The following MED13L variants were observed in gnomAD, a reference collection of about 807,000 sequenced individuals.
MED13L encodes mediator of RNA polymerase II transcription subunit 13-like.
In MED13L, 7 loss-of-function variants were observed where a neutral mutation model predicts 220.9. The ratio of observed to expected loss-of-function variants is 0.03; its 90% CI spans 0.02 to 0.06. The LOEUF (loss-of-function observed/expected upper bound fraction) is 0.06, where lower values mean the gene tolerates loss of function less well. Among genes scored for constraint, MED13L ranks in the 10% least tolerant of loss-of-function variants. The pLI is 1.00. For missense variants in MED13L, 1,965 were observed against 2,760.5 expected (o/e 0.71, Z 6.46); for synonymous variants, 1,011 against 1,015.2 (o/e 1.00, Z 0.08).
At chr12:116,076,209 C>A (rs1870786946) in intron 4 of MED13L, among the ~76,000 whole-genome samples, 1 of 152,142 alleles carries the variant, frequency 6.6e-6, no homozygotes, top group Non-Finnish European at 1.5e-5. Context: ...GTGCTAAAAT[C>A]CTTGGCAGGG....
intron 25 of MED13L, among the ~76,000 whole-genome samples, chr12:115,973,855 A>G (rs1173188122): frequency 1.3e-5 from 2 of 152,224 alleles, no homozygotes; most frequent in African/African-American, 4.8e-5. Flanking sequence ...AATGCCAAAG[A>G]AAACATTTAC....
intron 2 of MED13L, among the ~76,000 whole-genome samples, chr12:116,140,800 T>G (rs1008861450): frequency 4.6e-5 from 7 of 152,182 alleles, no homozygotes; most frequent in Non-Finnish European, 1.0e-4. Flanking sequence ...ACTGAATTTA[T>G]CTTAGGGAGG....
At chr12:116,059,219 C>G (rs1314460779) in intron 4 of MED13L, among the ~76,000 whole-genome samples, 1 of 152,090 alleles carries the variant, frequency 6.6e-6, no homozygotes, top group Admixed American at 6.5e-5. Flanking sequence ...AGGCATGTGC[C>G]AACCCACCCA....
At chr12:116,261,687 CA>C (rs1424024862) in intron 1 of MED13L, among the ~76,000 whole-genome samples, 1 of 152,084 alleles carries the variant, frequency 6.6e-6, no homozygotes, top group African/African-American at 2.4e-5. Context: ...ACAACTTCAG[CA>C]GATAGATATT....
chr12:116,175,448 T>C (rs918083007), intron 2 of MED13L, among the ~76,000 whole-genome samples: 3 of 152,146 alleles, frequency 2.0e-5, no homozygotes, highest in Non-Finnish European at 4.4e-5. Flanking sequence ...CAACAAAAAC[T>C]AAGACACTGA....
chr12:116,169,545 C>T (rs1240313184), intron 2 of MED13L, among the ~76,000 whole-genome samples: 7 of 152,126 alleles, frequency 4.6e-5, no homozygotes, highest in Non-Finnish European at 1.0e-4. Flanking sequence ...TATAACAATA[C>T]GTTGTTTTGG....
At chr12:116,051,832 A>C (rs919564453) in intron 4 of MED13L, among the ~76,000 whole-genome samples, 1 of 152,180 alleles carries the variant, frequency 6.6e-6, no homozygotes, top group Non-Finnish European at 1.5e-5. Flanking sequence ...AAAAGTTACA[A>C]CTTTGGAGTA....
chr12:115,968,743 T>C (rs1328191550), intron 28 of MED13L, among the ~76,000 whole-genome samples, 197 bp downstream of exon 28: 3 of 152,222 alleles, frequency 2.0e-5, no homozygotes, highest in African/African-American at 7.2e-5. Context: ...TCATCAGAAA[T>C]AATAACATAT....
At chr12:116,174,629 G>A (rs1040714237) in intron 2 of MED13L, 1 of 152,068 alleles carries the variant, frequency 6.6e-6, no homozygotes, top group African/African-American at 2.4e-5. Context: ...TTAAAATATT[G>A]ATGCCTATGG....
At chr12:116,226,684 C>T (rs1254562615) in intron 2 of MED13L, among the ~76,000 whole-genome samples, 1 of 152,260 alleles carries the variant, frequency 6.6e-6, no homozygotes, top group Admixed American at 6.5e-5. Context: ...GCCTGGCCAA[C>T]ATGGTGAAAC....
intron 2 of MED13L, among the ~76,000 whole-genome samples, chr12:116,118,513 A>G (rs1348933200): frequency 6.6e-6 from 1 of 152,202 alleles, no homozygotes; most frequent in East Asian, 1.9e-4. Flanking sequence ...TCTAATAAAT[A>G]CTATCAATTT....
rs760332562 is a variant in MED13L at position 116,019,783 on chromosome 12, A to G, written c.815T>C (p.Ile272Thr). 6 of 1,613,778 alleles carry G rather than the reference A, an allele frequency of 3.7e-6. No homozygotes were observed. The highest frequency in any genetic ancestry group is 1.7e-5 in the Admixed American group (1 of 59,984). The change falls in exon 6 of 31, where the codon ATT becomes ACT. Residue 272 changes from isoleucine to threonine, a missense_variant. By Grantham distance (89) the Ile-to-Thr change is moderately conservative. This residue lies in a region of MED13L where 818 missense variants were observed against 1,041.2 expected (regional missense o/e 0.79). Transcript: ENST00000281928. ...DDDFPVAVEV[I>T]VGGVRMVYPS... ...GGCAAAATATTTTCTCTTACCAACA[A>G]TTACTTCAACTGCCACAGGGAAATC...
chr12:116,097,320 ACTTTTAAT>A, intron 3 of MED13L, among the ~76,000 whole-genome samples: 1 of 152,108 alleles, frequency 6.6e-6, no homozygotes, highest in Admixed American at 6.5e-5. Context: ...TAATTTTTGT[ACTTTTAAT>A]AGAGACGGGG....
chr12:116,205,108 G>A (rs959993813), intron 2 of MED13L, among the ~76,000 whole-genome samples: 9 of 151,938 alleles, frequency 5.9e-5, no homozygotes, highest in Admixed American at 3.3e-4. Context: ...TCATACTGTC[G>A]CCAAATCCTA....
chr12:116,261,445 C>A (rs1423114983), intron 1 of MED13L, among the ~76,000 whole-genome samples: 1 of 147,132 alleles, frequency 6.8e-6, no homozygotes, highest in African/African-American at 2.5e-5. Flanking sequence ...TGCAGTGAGC[C>A]GAGATTGTGC....
intron 4 of MED13L, 110 bp from the exon 5 acceptor site, chr12:116,022,711 C>T: frequency 8.5e-7 from 1 of 1,172,614 alleles, no homozygotes; most frequent in Non-Finnish European, 1.2e-6. Context: ...TCCAGTAAGG[C>T]TGACTTCTAA....
chr12:116,202,570 A>T (rs144462177), intron 2 of MED13L, among the ~76,000 whole-genome samples: 46 of 152,312 alleles, frequency 3.0e-4, no homozygotes, highest in Middle Eastern at 6.8e-3. Context: ...CAGCCTTATT[A>T]GAGATCAGTT....
intron 30 of MED13L, 151 bp from the exon 31 acceptor site, chr12:115,961,549 G>C: frequency 9.2e-7 from 1 of 1,091,830 alleles, no homozygotes; most frequent in Non-Finnish European, 1.3e-6. Context: ...TTTGTCTCAT[G>C]TTCCTCCTTC....
At chr12:116,138,649 G>A (rs573025985) in intron 2 of MED13L, among the ~76,000 whole-genome samples, 1 of 152,328 alleles carries the variant, frequency 6.6e-6, no homozygotes, top group South Asian at 2.1e-4. Context: ...ATTAACACAT[G>A]TCTGACCTTG....
Sources: allele counts gnomAD v4.1 joint callset (sites outside exome capture counted in the v4.1 genomes callset), GRCh38; gene constraint gnomAD v4.1.1; regional missense constraint gnomAD v4.1.1; transcripts MANE v1.5; gene names NCBI Gene and HGNC (gene_info 2026-07-23, HGNC 2026-07-21).